Variants in SNAPC3 observed in about 807,000 individuals in gnomAD.
SNAPC3 encodes the protein small nuclear RNA activating complex polypeptide 3.
Under a neutral mutation model 47.7 loss-of-function variants are expected in SNAPC3, and 56 were observed. The ratio of observed to expected loss-of-function variants is 1.18; its 90% CI spans 0.95 to 1.47. The LOEUF (loss-of-function observed/expected upper bound fraction) is 1.47, where lower values mean the gene tolerates loss of function less well. Ranked by LOEUF, SNAPC3 falls within the 40% of genes most tolerant of loss-of-function variation. The probability of loss-of-function intolerance (pLI) is 0.00; values close to 1 mark genes in which losing one functional copy is unlikely to be tolerated. For synonymous variants in SNAPC3, 235 were observed against 189.9 expected (o/e 1.24, Z -1.95); for missense variants, 665 against 511.3 (o/e 1.30, Z -2.90).
intron 8 of SNAPC3, among the ~76,000 whole-genome samples, chr9:15,458,663 T>TA (rs545402005): frequency 4.3e-4 from 64 of 149,436 alleles, no homozygotes; most frequent in Admixed American, 1.7e-3. Flanking sequence ...TGTGGGTCAG[T>TA]AAAAAAAAAA....
At chr9:15,444,268 A>G (rs557370682) in intron 3 of SNAPC3, among the ~76,000 whole-genome samples, 20 of 152,344 alleles carry the variant, frequency 1.3e-4, no homozygotes, top group Non-Finnish European at 2.5e-4. Flanking sequence ...TTGATAAGGA[A>G]TGTAAAAATG....
chr9:15,442,096 TG>T (rs2033459070), intron 3 of SNAPC3, among the ~76,000 whole-genome samples: 1 of 145,496 alleles, frequency 6.9e-6, no homozygotes, highest in African/African-American at 2.6e-5. Context: ...ACGGGGCGGC[TG>T]GCCAGGCGGG....
At chr9:15,431,874 T>A (rs1281356750) in intron 2 of SNAPC3, 2 of 145,404 alleles carry the variant, frequency 1.4e-5, no homozygotes. Context: ...AAGTCTGTAT[T>A]AAAGCCTGTC....
At chr9:15,450,309 G>C (rs529988399) in intron 5 of SNAPC3, among the ~76,000 whole-genome samples, 5 of 152,246 alleles carry the variant, frequency 3.3e-5, no homozygotes, top group African/African-American at 1.2e-4. Flanking sequence ...GCGAACACAA[G>C]ATAATCTGTA....
At chr9:15,427,429 A>C (rs549567393) in intron 2 of SNAPC3, among the ~76,000 whole-genome samples, 2 of 152,312 alleles carry the variant, frequency 1.3e-5, no homozygotes, top group South Asian at 4.1e-4. Flanking sequence ...CCTCACTGCA[A>C]CTTCTGCCTC....
At chr9:15,443,748 C>T (rs991197812) in intron 3 of SNAPC3, among the ~76,000 whole-genome samples, 3 of 152,214 alleles carry the variant, frequency 2.0e-5, no homozygotes, top group Non-Finnish European at 2.9e-5. Flanking sequence ...AACAGGTCCC[C>T]ACTGCCTGCC....
At chr9:15,427,689 T>C in intron 2 of SNAPC3, among the ~76,000 whole-genome samples, 1 of 152,214 alleles carries the variant, frequency 6.6e-6, no homozygotes, top group East Asian at 1.9e-4. Context: ...TTTTAGATTA[T>C]TCTGCCCATC....
chr9:15,448,385 A>C (rs1028279180), intron 5 of SNAPC3, among the ~76,000 whole-genome samples: 4 of 151,740 alleles, frequency 2.6e-5, no homozygotes, highest in African/African-American at 9.7e-5. Context: ...ATACTTTTTC[A>C]TGTCTCTGAG....
intron 7 of SNAPC3, among the ~76,000 whole-genome samples, chr9:15,454,721 A>T (rs1044208024): frequency 6.6e-5 from 10 of 152,052 alleles, no homozygotes; most frequent in African/African-American, 2.4e-4. Context: ...GCAGATCACG[A>T]GGTCAGGAGA....
rs2131999102 is a variant in SNAPC3 at position 15,461,481 on chromosome 9, T to C, written c.*1615T>C. On this transcript the variant is annotated 3_prime_UTR_variant, in exon 9 of 9. Coordinates refer to ENST00000380821, the MANE Select transcript of SNAPC3 (RefSeq NM_001039697.2). ...CCAGCAAAATAAACTTTCTTTATTT[T>C]CAGGTCTAGACCATCAGATAGATTT... The C allele has an allele frequency of 6.6e-6, 1 of 152,330 alleles. No individual in the cohort carries two copies. Among genetic ancestry groups the C allele is most frequent in the East Asian group, 1.9e-4 (1 of 5,190 alleles). The allele number at this position is 152,330 out of a possible 1,614,324, so 9.4% of individuals were successfully genotyped here.
intron 7 of SNAPC3, among the ~76,000 whole-genome samples, chr9:15,454,694 T>G (rs939326447): frequency 6.6e-6 from 1 of 152,120 alleles, no homozygotes; most frequent in Non-Finnish European, 1.5e-5. Context: ...TCCCAGCACT[T>G]TGGGAGGCCA....
At chr9:15,457,656 T>C (rs1206391932) in intron 7 of SNAPC3, among the ~76,000 whole-genome samples, 1 of 152,166 alleles carries the variant, frequency 6.6e-6, no homozygotes, top group African/African-American at 2.4e-5. Context: ...GTAGAATACA[T>C]TCAAGAAATG....
chr9:15,439,753 G>C (rs559756109), intron 3 of SNAPC3, among the ~76,000 whole-genome samples: 2 of 152,202 alleles, frequency 1.3e-5, no homozygotes, highest in South Asian at 4.1e-4. Flanking sequence ...AGGCTAGTCT[G>C]GAACTCCTAA....
chr9:15,456,727 C>A (rs1420849996), intron 7 of SNAPC3, among the ~76,000 whole-genome samples: 1 of 152,186 alleles, frequency 6.6e-6, no homozygotes, highest in Non-Finnish European at 1.5e-5. Flanking sequence ...CTTGGCCTCC[C>A]AAAGTGCTGG....
chr9:15,423,952 G>A lies in SNAPC3; in HGVS notation c.358G>A (p.Val120Ile), dbSNP rs1409263901. 1.3e-6 allele frequency: 2 copies of A among 1,589,728 alleles called. No individual in the cohort carries two copies. Among genetic ancestry groups the A allele is most frequent in the African/African-American group, 2.7e-5 (2 of 73,718 alleles). ...KCLEDGEDPE[V>I]IPENTDLVTL... is the part of the protein sequence containing the mutation. ...CCTTGAGGACGGTGAGGATCCAGAAGTCATTCCGGAGAATACTGACCTGGT... is the reference window on the plus strand; with the variant it reads ...CCTTGAGGACGGTGAGGATCCAGAAATCATTCCGGAGAATACTGACCTGGT... Residue 120 changes from valine (V) to isoleucine (I), a missense_variant, in exon 2 of 9, where the codon GTC (valine) becomes ATC (isoleucine). Coordinates refer to ENST00000380821, the MANE Select transcript of SNAPC3 (RefSeq NM_001039697.2).
Position 15,423,177 on chromosome 9 carries a change from C to G in SNAPC3, c.298C>G (p.Leu100Val). 1 of 1,579,034 alleles carries G rather than the reference C, an allele frequency of 6.3e-7. No homozygotes were observed. Among genetic ancestry groups the G allele is most frequent in the East Asian group, 2.3e-5 (1 of 43,486 alleles). Residue 100 changes from leucine to valine, a missense_variant, in exon 1 of 9, where the codon CTG (leucine) becomes GTG (valine). Leu to Val is a conservative substitution (Grantham distance 32). Coordinates refer to ENST00000380821, the MANE Select transcript of SNAPC3 (RefSeq NM_001039697.2). The part of the protein sequence containing the change: ...LDCSLEAAAE[L>V]RAVCGLDKLK... ...CTGCAGCCTGGAGGCGGCGGCTGAG[C>G]TGAGGGCGGTGTGCGGGTGAGTGCG...
downstream of SNAPC3, chr9:15,461,882 T>C (rs1178451245): frequency 2.6e-5 from 4 of 152,230 alleles, no homozygotes; most frequent in Non-Finnish European, 5.9e-5. Context: ...GGCTGGCTTA[T>C]GTTATACCTA....
chr9:15,465,161 GAA>G, downstream of SNAPC3: 1 of 240,548 alleles, frequency 4.2e-6, no homozygotes, highest in Non-Finnish European at 8.1e-6. Context: ...CAGTATTTGG[GAA>G]AAGAGGCAAG....
intron 3 of SNAPC3, among the ~76,000 whole-genome samples, chr9:15,443,750 C>G (rs776778658): frequency 1.3e-5 from 2 of 152,218 alleles, no homozygotes; most frequent in African/African-American, 2.4e-5. Context: ...CAGGTCCCCA[C>G]TGCCTGCCTT....
Sources: allele counts gnomAD v4.1 joint callset (sites outside exome capture counted in the v4.1 genomes callset), GRCh38; gene constraint gnomAD v4.1.1; transcripts MANE v1.5; gene names NCBI Gene and HGNC (gene_info 2026-07-23, HGNC 2026-07-21).